Variants in GFOD1 observed in about 807,000 individuals in gnomAD.
GFOD1 encodes the protein glucose-fructose oxidoreductase domain-containing protein 1.
Under a neutral mutation model 25.4 loss-of-function variants are expected in GFOD1, and 9 were observed. That is an observed-to-expected ratio of 0.35 (90% CI 0.21 to 0.62). GFOD1 has a LOEUF of 0.62. Among genes scored for constraint, GFOD1 ranks in the 20% least tolerant of loss-of-function variants. The probability of loss-of-function intolerance (pLI) is 0.72; values close to 1 mark genes in which losing one functional copy is unlikely to be tolerated. For missense variants in GFOD1, 403 were observed against 556.9 expected, an observed-to-expected ratio of 0.72 and a Z score of 2.78; for synonymous variants, 253 against 245.6, an observed-to-expected ratio of 1.03 and a Z score of -0.28.
At chr6:13,460,473 A>C (rs1758272485) in intron 1 of GFOD1, among the ~76,000 whole-genome samples, 1 of 152,248 alleles carries the variant, frequency 6.6e-6, no homozygotes. Flanking sequence ...ATGGAATACT[A>C]TGCAGCCATA....
At chr6:13,398,917 ATT>A (rs1785789449) in intron 1 of GFOD1, among the ~76,000 whole-genome samples, 1 of 152,130 alleles carries the variant, frequency 6.6e-6, no homozygotes, top group African/African-American at 2.4e-5. Flanking sequence ...ACTCGTTGTT[ATT>A]TTTTCTAGCA....
rs60272175 is a variant in GFOD1, at chr6:13,367,014, C to T, written c.254-1352G>A. Among the ~76,000 whole-genome samples, 3 of 151,438 alleles carry T rather than the reference C, an allele frequency of 2.0e-5. 1 individual carries two copies. The South Asian group carries it at 6.3e-4, about 32-fold the overall frequency. On this transcript the variant is annotated intron_variant, in intron 1 of 1. Coordinates refer to ENST00000379287, the MANE Select transcript of GFOD1 (RefSeq NM_018988.4). The stretch of plus-strand genomic sequence containing the variant: ...TTTAAATACAAAATATTAGATAGTA[C>T]TATTAAAGTATACAATATAATCTTT...
intron 1 of GFOD1, among the ~76,000 whole-genome samples, chr6:13,482,227 A>G (rs894309697): frequency 2.6e-4 from 38 of 148,628 alleles, no homozygotes; most frequent in African/African-American, 8.8e-4. Flanking sequence ...TAAATTTAAT[A>G]ATGCATATTA....
intron 1 of GFOD1, among the ~76,000 whole-genome samples, chr6:13,387,320 A>G (rs376686785): frequency 6.6e-6 from 1 of 152,224 alleles, no homozygotes; most frequent in Non-Finnish European, 1.5e-5. Context: ...ACAAAAAAAG[A>G]GAATTTTAGG....
intron 1 of GFOD1, among the ~76,000 whole-genome samples, chr6:13,394,370 C>T (rs1183018577): frequency 6.6e-6 from 1 of 151,006 alleles, no homozygotes; most frequent in Non-Finnish European, 1.5e-5. Flanking sequence ...GGAAGGAACA[C>T]TGATAACTTT....
intron 1 of GFOD1, among the ~76,000 whole-genome samples, chr6:13,428,456 C>G (rs751070493): frequency 2.0e-5 from 3 of 152,154 alleles, no homozygotes; most frequent in Admixed American, 1.3e-4. Context: ...GCAGTGGAAA[C>G]GCAAACTTGA....
At chr6:13,404,114 C>T (rs895223027) in intron 1 of GFOD1, among the ~76,000 whole-genome samples, 2 of 152,230 alleles carry the variant, frequency 1.3e-5, no homozygotes, top group Non-Finnish European at 2.9e-5. Flanking sequence ...ACTTGGAATA[C>T]ATTTCTGTGA....
At chr6:13,427,336 CTG>C (rs1286294165) in intron 1 of GFOD1, among the ~76,000 whole-genome samples, 2 of 152,112 alleles carry the variant, frequency 1.3e-5, no homozygotes, top group Non-Finnish European at 2.9e-5. Context: ...ACATAGAAAA[CTG>C]TGAAGAGTTA....
chr6:13,419,639 C>T (rs1332609270), intron 1 of GFOD1, among the ~76,000 whole-genome samples: 7 of 152,198 alleles, frequency 4.6e-5, no homozygotes, highest in African/African-American at 7.2e-5. Flanking sequence ...GGACCCTCCA[C>T]GATCTGCTTC....
At chr6:13,403,950 G>T (rs1785897718) in intron 1 of GFOD1, among the ~76,000 whole-genome samples, 1 of 152,170 alleles carries the variant, frequency 6.6e-6, no homozygotes, top group South Asian at 2.1e-4. Flanking sequence ...TATGGAGATG[G>T]TTGTACAACT....
intron 1 of GFOD1, among the ~76,000 whole-genome samples, chr6:13,394,466 ATTTTT>A (rs70989855): frequency 1.4e-4 from 11 of 75,914 alleles, no homozygotes; most frequent in African/African-American, 2.2e-4. Flanking sequence ...TACCCTTTGA[ATTTTT>A]TTTTTTTTTT....
At chr6:13,397,097 G>A (rs1785747524) in intron 1 of GFOD1, among the ~76,000 whole-genome samples, 1 of 152,142 alleles carries the variant, frequency 6.6e-6, no homozygotes, top group African/African-American at 2.4e-5. Flanking sequence ...AGGGACAAGA[G>A]CACCCAGAAC....
chr6:13,479,121 T>C (rs1248218366), intron 1 of GFOD1, among the ~76,000 whole-genome samples: 1 of 151,440 alleles, frequency 6.6e-6, no homozygotes, highest in Non-Finnish European at 1.5e-5. Flanking sequence ...GAGGGAATCA[T>C]CTCTTCAAAA....
chr6:13,484,993 A>G (rs779839113), intron 1 of GFOD1, among the ~76,000 whole-genome samples: 1 of 152,246 alleles, frequency 6.6e-6, no homozygotes, highest in Non-Finnish European at 1.5e-5. Flanking sequence ...AAGATATTTG[A>G]TATGCAAAGA....
intron 1 of GFOD1, among the ~76,000 whole-genome samples, chr6:13,443,062 T>A (rs1057513311): frequency 6.6e-6 from 1 of 152,162 alleles, no homozygotes; most frequent in Non-Finnish European, 1.5e-5. Context: ...AATATCAACA[T>A]TGACAGGAGT....
rs374403162 is a variant in GFOD1 at position 13,394,324 on chromosome 6, A to G, written c.254-28662T>C. Among the ~76,000 whole-genome samples, 15 of 152,310 alleles carry G rather than the reference A, an allele frequency of 9.8e-5. No individual in the cohort carries two copies. In the East Asian group the frequency reaches 1.7e-3, roughly 18 times the overall value. ...ATCATCTGTACAGAAAAAAGAATAA[A>G]TATATATTTGCTTGAATTTATGTAG... On this transcript the variant is annotated intron_variant, in intron 1 of 1. Coordinates refer to ENST00000379287, the MANE Select transcript of GFOD1 (RefSeq NM_018988.4).
chr6:13,463,262 C>T (rs1584666701), intron 1 of GFOD1, among the ~76,000 whole-genome samples: 1 of 152,264 alleles, frequency 6.6e-6, no homozygotes, highest in East Asian at 1.9e-4. Context: ...TTTACAGATG[C>T]TGCACTTGGA....
chr6:13,470,948 T>C lies in GFOD1; in HGVS notation c.253+15690A>G, dbSNP rs538725869. ...ATGGATGTGGCTTTCACAACATTAA[T>C]GGGACTCGAAAGAAAAAAAAAGCAA... On this transcript the variant is annotated intron_variant, in intron 1 of 1. Transcript: ENST00000379287. 1.3e-4 allele frequency among the ~76,000 whole-genome samples: 19 copies of C among 151,548 alleles called. No homozygotes were observed. In the South Asian group the frequency reaches 3.9e-3, roughly 31 times the overall value.
chr6:13,374,955 C>G (rs1785230389), intron 1 of GFOD1, among the ~76,000 whole-genome samples: 1 of 152,004 alleles, frequency 6.6e-6, no homozygotes, highest in African/African-American at 2.4e-5. Flanking sequence ...GTTGGTCAAG[C>G]TGGTCTCAAA....
Sources: allele counts gnomAD v4.1 joint callset (sites outside exome capture counted in the v4.1 genomes callset), GRCh38; gene constraint gnomAD v4.1.1; transcripts MANE v1.5; gene names NCBI Gene and HGNC (gene_info 2026-07-23, HGNC 2026-07-21).